Variants in POLK observed in about 807,000 individuals in gnomAD.
The protein encoded by POLK is polymerase (DNA directed) kappa.
A neutral mutation model predicts 94.0 loss-of-function variants in POLK; 76 were observed. The observed-to-expected ratio is 0.81, with a 90% CI of 0.67 to 0.98. POLK has a LOEUF of 0.98. Ranked by LOEUF, POLK falls within the 50% of genes least tolerant of loss-of-function variation. POLK has a pLI of 0.00. For missense variants in POLK, 954 were observed against 1,010.1 expected (o/e 0.94, Z 0.75); for synonymous variants, 349 against 325.4 (o/e 1.07, Z -0.78).
At position 75,559,537 on chromosome 5, in the gene POLK, T is replaced by G. The variant is rs1420813357; in HGVS notation, c.255+6946T>G. 3.3e-3 allele frequency among the ~76,000 whole-genome samples: 449 copies of G among 136,134 alleles called. 3 individuals carry two copies. The highest frequency in any genetic ancestry group is 0.012 in the African/African-American group (439 of 35,896). The allele number at this position is 136,134 out of a possible 152,430, so 89.3% of individuals were successfully genotyped here. A position where few individuals can be genotyped will look rare whatever the true frequency, so the allele number is the denominator to read the frequency against. On this transcript the variant is annotated intron_variant, in intron 3 of 14. Coordinates refer to ENST00000241436, the Ensembl canonical transcript of POLK. ...TGTTTTGTTTTGTTTTTTTTTTTTT[T>G]TTTTTTTTTTTTTAGAGACAGGGTC...
At chr5:75,539,068 G>A (rs186934806) in intron 1 of POLK, among the ~76,000 whole-genome samples, 148 of 152,230 alleles carry the variant, frequency 9.7e-4, no homozygotes, top group Middle Eastern at 6.8e-3. Context: ...CACCGTGCCC[G>A]GCCGTTTAAG....
chr5:75,583,438 T>C, intron 8 of POLK, 21 bp downstream of exon 8: 1 of 1,488,634 alleles, frequency 6.7e-7, no homozygotes, highest in Non-Finnish European at 9.3e-7. Flanking sequence ...TACATAAAGT[T>C]TATTTATATA....
At chr5:75,552,153 A>T (rs1441661114) in intron 2 of POLK, among the ~76,000 whole-genome samples, 1 of 152,142 alleles carries the variant, frequency 6.6e-6, no homozygotes, top group Non-Finnish European at 1.5e-5. Context: ...TTTGATACCC[A>T]CTGTGGATCC....
chr5:75,597,913 G>A (rs750651680), intron 14 of POLK, 21 bp from the exon 15 acceptor site: 1 of 1,313,264 alleles, frequency 7.6e-7, no homozygotes, highest in African/African-American at 1.5e-5. Context: ...CATTTTAATT[G>A]TGTGTTCCTT....
At chr5:75,555,052 A>G (rs1469362193) in intron 3 of POLK, among the ~76,000 whole-genome samples, 1 of 152,156 alleles carries the variant, frequency 6.6e-6, no homozygotes, top group Non-Finnish European at 1.5e-5. Flanking sequence ...GATTTTCCAT[A>G]TACTCCTGTC....
At chr5:75,536,037 G>A (rs533548939) in intron 1 of POLK, among the ~76,000 whole-genome samples, 1 of 152,322 alleles carries the variant, frequency 6.6e-6, no homozygotes, top group African/African-American at 2.4e-5. Flanking sequence ...TGAGTTGCTA[G>A]AGTTCTTGTG....
intron 4 of POLK, among the ~76,000 whole-genome samples, chr5:75,571,846 A>T (rs1771616722): frequency 6.6e-6 from 1 of 152,186 alleles, no homozygotes. Flanking sequence ...AGTTAGAGAA[A>T]TTCTTATTTA....
At chr5:75,581,239 G>A in exon 7 of POLK, 5 of 1,605,746 alleles carry the variant, frequency 3.1e-6, no homozygotes, top group African/African-American at 1.3e-5. Flanking sequence ...AATAAACTGA[G>A]TGAGCATGAA....
intron 10 of POLK, among the ~76,000 whole-genome samples, chr5:75,589,388 T>TACACACACAC (rs71600465): frequency 0.046 from 5,911 of 128,100 alleles, 205 homozygotes; most frequent in Middle Eastern, 0.071. Flanking sequence ...TATACACACA[T>TACACACACAC]ACACACACAC....
At chr5:75,574,816 A>G (rs974037077) in intron 5 of POLK, among the ~76,000 whole-genome samples, 2 of 152,196 alleles carry the variant, frequency 1.3e-5, no homozygotes, top group Non-Finnish European at 2.9e-5. Context: ...GCACACTTAC[A>G]TTTGGTTACT....
intron 5 of POLK, among the ~76,000 whole-genome samples, chr5:75,575,425 C>A (rs1327631659): frequency 6.6e-6 from 1 of 152,158 alleles, no homozygotes; most frequent in Non-Finnish European, 1.5e-5. Context: ...AAAAAATTAT[C>A]CTGCCCAGGC....
intron 1 of POLK, among the ~76,000 whole-genome samples, chr5:75,514,508 T>G (rs1240793570): frequency 6.6e-6 from 1 of 152,194 alleles, no homozygotes; most frequent in African/African-American, 2.4e-5. Context: ...TGTCAAACAT[T>G]GTTTTAGGTT....
chr5:75,563,816 A>G (rs967002466), intron 3 of POLK, among the ~76,000 whole-genome samples: 5 of 152,146 alleles, frequency 3.3e-5, no homozygotes, highest in Admixed American at 2.6e-4. Flanking sequence ...ACTTCCAATT[A>G]TGTGGTCAAT....
At chr5:75,547,830 T>C (rs1167569768) in intron 2 of POLK, among the ~76,000 whole-genome samples, 3 of 152,260 alleles carry the variant, frequency 2.0e-5, no homozygotes, top group Non-Finnish European at 4.4e-5. Context: ...ATACTGAAAC[T>C]GTGCCAACAC....
At chr5:75,571,480 G>A (rs757574120) in intron 4 of POLK, among the ~76,000 whole-genome samples, 19 of 152,126 alleles carry the variant, frequency 1.2e-4, no homozygotes, top group East Asian at 1.9e-4. Context: ...GTGCGATGGC[G>A]ATGGCTCAAC....
At chr5:75,566,641 T>G (rs1723666306) in intron 3 of POLK, among the ~76,000 whole-genome samples, 1 of 152,166 alleles carries the variant, frequency 6.6e-6, no homozygotes. Flanking sequence ...AGACCCCTTG[T>G]GCTTCCCAGG....
chr5:75,604,224 T>G (rs1773364426), downstream of POLK, among the ~76,000 whole-genome samples: 1 of 152,192 alleles, frequency 6.6e-6, no homozygotes, highest in African/African-American at 2.4e-5. Context: ...GATAATGGCT[T>G]GCTTTATACA....
chr5:75,583,251 C>T, intron 7 of POLK, 42 bp from the exon 8 acceptor site: 1 of 1,456,182 alleles, frequency 6.9e-7, no homozygotes, highest in Non-Finnish European at 9.2e-7. Context: ...AAAAGTCATA[C>T]ATATCAACTT....
intron 3 of POLK, among the ~76,000 whole-genome samples, chr5:75,561,091 T>C (rs367957610): frequency 6.6e-6 from 1 of 152,222 alleles, no homozygotes; most frequent in Non-Finnish European, 1.5e-5. Flanking sequence ...ATCGCCACAC[T>C]GTCTTCCACA....
Sources: gnomAD v4.1 joint callset for allele counts (sites outside exome capture counted in the v4.1 genomes callset) on GRCh38, gnomAD v4.1.1 for gene constraint, MANE v1.5 for transcripts, NCBI Gene and HGNC (gene_info 2026-07-23, HGNC 2026-07-21) for gene names.